ELANE: variants seen among roughly 807,000 people sequenced by gnomAD.
ELANE encodes elastase, neutrophil expressed, also known as neutrophil elastase.
A neutral mutation model predicts 20.6 loss-of-function variants in ELANE; 12 were observed. The observed-to-expected ratio is 0.58, with a 90% CI of 0.37 to 0.94. ELANE has a LOEUF of 0.94. Among genes scored for constraint, ELANE ranks in the 40% least tolerant of loss-of-function variants. ELANE has a pLI of 0.01. For missense variants in ELANE, 388 were observed against 395.2 expected (o/e 0.98, Z 0.15); for synonymous variants, 203 against 177.4 (o/e 1.14, Z -1.15).
chr19:854,813 TA>T (rs1487698276), intron 3 of ELANE, among the ~76,000 whole-genome samples: 29 of 146,590 alleles, frequency 2.0e-4, no homozygotes, highest in Middle Eastern at 7.2e-3. Context: ...ATAAAATATA[TA>T]AAAATATTTT....
In ELANE at chr19:852,925, C is replaced by T. The variant is rs774270504; in HGVS notation, c.117C>T (p.His39=). 6.3e-7 allele frequency: 1 copy of T among 1,596,866 alleles called. No homozygotes were observed. The highest frequency in any genetic ancestry group is 8.5e-7 in the Non-Finnish European group (1 of 1,177,484). The change falls in exon 2 of 5, where the codon CAC becomes CAT. Residue 39 remains histidine, a synonymous_variant. Coordinates refer to ENST00000263621, the MANE Select transcript of ELANE (RefSeq NM_001972.4). ...TGGGGGGCCGGCGAGCGCGGCCCCACGCGTGGCCCTTCATGGTGTCCCTGC... is the reference window on the plus strand; with the variant it reads ...TGGGGGGCCGGCGAGCGCGGCCCCATGCGTGGCCCTTCATGGTGTCCCTGC... ...EIVGGRRARP[H]AWPFMVSLQL...
At position 855,132 on chromosome 19, in the gene ELANE, C is replaced by T. The variant is rs951979112; in HGVS notation, c.367-432C>T. ...CCTCCCAAAATGCTGGGATTATAGGCGTGAGCCACCGCACCTGGCAATTTT... is the reference window on the plus strand; with the variant it reads ...CCTCCCAAAATGCTGGGATTATAGGTGTGAGCCACCGCACCTGGCAATTTT... On this transcript the variant is annotated intron_variant, in intron 3 of 4. Coordinates refer to ENST00000263621, the MANE Select transcript of ELANE (RefSeq NM_001972.4). The surrounding 1 kb of genome is among the most constrained non-coding windows in gnomAD (Gnocchi z 6.2). Among the ~76,000 whole-genome samples, 4 of 152,044 alleles carry T rather than the reference C, an allele frequency of 2.6e-5. No individual in the cohort carries two copies. Among genetic ancestry groups the T allele is most frequent in the African/African-American group, 9.7e-5 (4 of 41,376 alleles).
Position 856,196 on chromosome 19 carries a change from C to A in ELANE, c.*32C>A. On this transcript the variant is annotated 3_prime_UTR_variant, in exon 5 of 5. Coordinates refer to ENST00000263621, the MANE Select transcript of ELANE (RefSeq NM_001972.4). The stretch of plus-strand genomic sequence containing the variant: ...CTGCCCGGGTCACCTCAGCTGCCCA[C>A]ACCCACACTCTCCAGCATCTGGCAC... 1 of 1,604,578 alleles carries A rather than the reference C, an allele frequency of 6.2e-7. No individual in the cohort carries two copies.
In ELANE at chr19:852,322, C is replaced by T; in HGVS notation, c.-7C>T. On this transcript the variant is annotated 5_prime_UTR_variant, in exon 1 of 5. Coordinates refer to ENST00000263621, the MANE Select transcript of ELANE (RefSeq NM_001972.4). ...AGGGGCAGAGACCCCGGAGCCCCAG[C>T]CCCACCATGACCCTCGGCCGCCGAC... The T allele has an allele frequency of 6.2e-7, 1 of 1,608,102 alleles. No homozygotes were observed. Among genetic ancestry groups the T allele is most frequent in the South Asian group, 1.1e-5 (1 of 90,946 alleles).
In ELANE at chr19:855,423, CAG is replaced by C. The variant is rs1031008516; in HGVS notation, c.367-138_367-137del. The C allele has an allele frequency of 2.2e-6, 2 of 929,996 alleles. No homozygotes were observed. The highest frequency in any genetic ancestry group is 3.4e-6 in the Non-Finnish European group (2 of 596,168). The allele number at this position is 929,996 out of a possible 1,614,324, so 57.6% of individuals were successfully genotyped here. On this transcript the variant is annotated intron_variant, in intron 3 of 4. Transcript: ENST00000263621. The surrounding 1 kb of genome is among the most constrained non-coding windows in gnomAD (Gnocchi z 6.2). ...GGAAACCGAGGCTTGCCTTGGGGAG[CAG>C]AGTGTGGGGTGGGTATCCTGCCCTG...
Position 855,540 on chromosome 19 carries a change from G to T in ELANE, c.367-24G>T. ...TCATCACTGCCCCGTGTGACGCGCT[G>T]ACGATCTGTCCCCACCGCCACAGCT... On this transcript the variant is annotated intron_variant, in intron 3 of 4. Coordinates refer to ENST00000263621, the MANE Select transcript of ELANE (RefSeq NM_001972.4). The surrounding 1 kb of genome is among the most constrained non-coding windows in gnomAD (Gnocchi z 6.2). 2 of 1,597,248 alleles carry T rather than the reference G, an allele frequency of 1.3e-6. No individual in the cohort carries two copies. The highest frequency in any genetic ancestry group is 2.2e-5 in the South Asian group (2 of 90,978).
In ELANE at chr19:856,234, C is replaced by CT; in HGVS notation, c.*71dup. The stretch of plus-strand genomic sequence containing the variant: ...CAGCATCTGGCACAATAAACATTCT[C>CT]TGTTTTGTAGAATGTGTTTGATGCT... On this transcript the variant is annotated 3_prime_UTR_variant, in exon 5 of 5. Coordinates refer to ENST00000263621, the MANE Select transcript of ELANE (RefSeq NM_001972.4). 1.3e-6 allele frequency: 2 copies of CT among 1,577,222 alleles called. No homozygotes were observed. Among genetic ancestry groups the CT allele is most frequent in the Non-Finnish European group, 1.7e-6 (2 of 1,149,248 alleles).
At chr19:854,839 A>AAT (rs934404771) in intron 3 of ELANE, among the ~76,000 whole-genome samples, 3 of 147,224 alleles carry the variant, frequency 2.0e-5, no homozygotes, top group African/African-American at 7.4e-5. Context: ...AAATAATAAA[A>AAT]ATATATATAT....
Position 853,415 on chromosome 19 carries a change from C to T in ELANE, c.366+12C>T, listed in dbSNP as rs377068029. 3.2e-6 allele frequency: 5 copies of T among 1,562,150 alleles called. No individual in the cohort carries two copies. Among genetic ancestry groups the T allele is most frequent in the Non-Finnish European group, 4.4e-6 (5 of 1,149,082 alleles). ...TCGTGATTCTCCAGGTGCCGCCGGGCGGGGCGGGGGGCGCAGGGGCGGAGG... is the reference window on the plus strand; with the variant it reads ...TCGTGATTCTCCAGGTGCCGCCGGGTGGGGCGGGGGGCGCAGGGGCGGAGG... On this transcript the variant is annotated intron_variant, in intron 3 of 4. Coordinates refer to ENST00000263621, the MANE Select transcript of ELANE (RefSeq NM_001972.4).
intron 3 of ELANE, among the ~76,000 whole-genome samples, chr19:854,362 C>T (rs1019012306): frequency 1.3e-5 from 2 of 151,498 alleles, no homozygotes; most frequent in African/African-American, 4.9e-5. Flanking sequence ...GAAGGAGAAT[C>T]GCTTGAACCC....
At position 855,804 on chromosome 19, in the gene ELANE, C is replaced by A. The variant is rs201460728; in HGVS notation, c.597+10C>A. On this transcript the variant is annotated intron_variant, in intron 4 of 4. Transcript: ENST00000263621. This position sits in a 1 kb window ranked among gnomAD's most constrained non-coding sequence, Gnocchi z 6.2. The stretch of plus-strand genomic sequence containing the variant: ...GGCCGGCGTCTGTTTCGTACGTGCC[C>A]TGGGTGTCCCTCTGCTCCCCACCCG... 7.5e-6 allele frequency: 12 copies of A among 1,608,098 alleles called. No homozygotes were observed. In the South Asian group the frequency reaches 1.3e-4, roughly 18 times the overall value.
intron 3 of ELANE, 140 bp downstream of exon 3, chr19:853,543 C>T: frequency 9.9e-7 from 1 of 1,010,028 alleles, no homozygotes; most frequent in Admixed American, 2.5e-5. Context: ...CTCTCCGCGC[C>T]TCGGTCTGCA....
At chr19:853,435 C>G in intron 3 of ELANE, 32 bp downstream of exon 3, 1 of 1,498,022 alleles carries the variant, frequency 6.7e-7, no homozygotes, top group Non-Finnish European at 9.1e-7. Context: ...GGCGCAGGGG[C>G]GGAGGCCAGA....
rs780340448 is a variant in ELANE at position 853,027 on chromosome 19, G to C, written c.219G>C (p.Ala73=). Residue 73 remains alanine, a synonymous_variant, in exon 2 of 5, where the codon GCG becomes GCC. Transcript: ENST00000263621. The stretch of plus-strand genomic sequence containing the variant: ...TCATGTCGGCCGCGCACTGCGTGGC[G>C]AATGTGTGAGTAGCCGGGAGTGTGC... The part of the protein sequence containing the change: ...NFVMSAAHCV[A]NVNVRAVRVV... The C allele has an allele frequency of 1.3e-6, 2 of 1,559,236 alleles. No individual in the cohort carries two copies. The highest frequency in any genetic ancestry group is 1.7e-6 in the Non-Finnish European group (2 of 1,159,688).
chr19:853,042 C>T lies in ELANE; in HGVS notation c.224+10C>T. 1 of 1,449,150 alleles carries T rather than the reference C, an allele frequency of 6.9e-7. No homozygotes were observed. The highest frequency in any genetic ancestry group is 9.1e-7 in the Non-Finnish European group (1 of 1,093,884). The allele number at this position is 1,449,150 out of a possible 1,614,324, so 89.8% of individuals were successfully genotyped here. A position where few individuals can be genotyped will look rare whatever the true frequency, so the allele number is the denominator to read the frequency against. ...ACTGCGTGGCGAATGTGTGAGTAGCCGGGAGTGTGCGCGCCCGGCTCGGAC... is the reference window on the plus strand; with the variant it reads ...ACTGCGTGGCGAATGTGTGAGTAGCTGGGAGTGTGCGCGCCCGGCTCGGAC... On this transcript the variant is annotated intron_variant, in intron 2 of 4. Coordinates refer to ENST00000263621, the MANE Select transcript of ELANE (RefSeq NM_001972.4).
chr19:854,785 T>TA (rs1880314114), intron 3 of ELANE, among the ~76,000 whole-genome samples: 1 of 146,576 alleles, frequency 6.8e-6, no homozygotes, highest in Non-Finnish European at 1.5e-5. Flanking sequence ...ATATTTATTA[T>TA]TTTATAAAAT....
Position 852,899 on chromosome 19 carries a change from GT to G in ELANE, c.92del (p.Val31GlyfsTer29), listed in dbSNP as rs1568304022. 1 of 1,596,646 alleles carries G rather than the reference GT, an allele frequency of 6.3e-7. No individual in the cohort carries two copies. Among genetic ancestry groups the G allele is most frequent in the South Asian group, 1.1e-5 (1 of 90,828 alleles). On this transcript the variant is annotated frameshift_variant, in exon 2 of 5. Coordinates refer to ENST00000263621, the MANE Select transcript of ELANE (RefSeq NM_001972.4). LOFTEE classifies it high-confidence loss of function. ...LGGTALASEIVGGRRARPHAW... is the reference protein window; with the variant it reads ...LGGTALASEIXGGRRARPHAW... Reference sequence around the variant, plus strand: ...AGGCACCGCGCTGGCCTCGGAGATTGTGGGGGGCCGGCGAGCGCGGCCCCAC... The same window carrying G: ...AGGCACCGCGCTGGCCTCGGAGATTGGGGGGGCCGGCGAGCGCGGCCCCAC...
At chr19:852,829 C>T (rs1034652352) in intron 1 of ELANE, 47 bp from the exon 2 acceptor site, 18 of 1,579,252 alleles carry the variant, frequency 1.1e-5, no homozygotes, top group Non-Finnish European at 1.5e-5. Flanking sequence ...CGGGAGGGGA[C>T]AGGCTCCTTG....
chr19:854,865 T>C (rs1231861028), intron 3 of ELANE, among the ~76,000 whole-genome samples: 1 of 149,418 alleles, frequency 6.7e-6, no homozygotes, highest in African/African-American at 2.4e-5. Flanking sequence ...CATATATATA[T>C]ATTTTTTGAG....
Sources: gnomAD v4.1 joint callset for allele counts (sites outside exome capture counted in the v4.1 genomes callset) on GRCh38, gnomAD v4.1.1 for gene constraint, Gnocchi (gnomAD v3.1) non-coding constraint, MANE v1.5 for transcripts, NCBI Gene and HGNC (gene_info 2026-07-23, HGNC 2026-07-21) for gene names.